The following MROH7 variants were observed in gnomAD, a reference collection of about 807,000 sequenced individuals.
The protein encoded by MROH7 is maestro heat-like repeat-containing protein family member 7.
A neutral mutation model predicts 129.2 loss-of-function variants in MROH7; 113 were observed. That is an observed-to-expected ratio of 0.87 (90% CI 0.75 to 1.02). The LOEUF is 1.02. Ranked by LOEUF, MROH7 falls within the 50% of genes least tolerant of loss-of-function variation. The pLI, the probability that MROH7 is intolerant of heterozygous loss-of-function variation, is 0.00. For missense variants in MROH7, 1,601 were observed against 1,671.3 expected, an observed-to-expected ratio of 0.96 and a Z score of 0.73; for synonymous variants, 655 against 667.9, an observed-to-expected ratio of 0.98 and a Z score of 0.30.
At chr1:54,692,747 C>T (rs1447996882) in intron 16 of MROH7, among the ~76,000 whole-genome samples, 186 bp downstream of exon 16, 1 of 152,204 alleles carries the variant, frequency 6.6e-6, no homozygotes, top group African/African-American at 2.4e-5. Context: ...TTAAAGATAG[C>T]ACTCACTCTT....
At chr1:54,688,708 G>A (rs1228834013) in intron 15 of MROH7, among the ~76,000 whole-genome samples, 2 of 152,222 alleles carry the variant, frequency 1.3e-5, no homozygotes, top group Non-Finnish European at 2.9e-5. Flanking sequence ...CCGCAGTGCG[G>A]CCAGTTCCCA....
intron 3 of MROH7, among the ~76,000 whole-genome samples, chr1:54,662,669 C>G (rs1444016129): frequency 6.6e-6 from 1 of 152,118 alleles, no homozygotes; most frequent in Non-Finnish European, 1.5e-5. Context: ...TAAAATATAA[C>G]TATCACAATC....
intron 4 of MROH7, among the ~76,000 whole-genome samples, chr1:54,666,152 G>A (rs938311013): frequency 1.3e-5 from 2 of 152,180 alleles, no homozygotes; most frequent in South Asian, 2.1e-4. Context: ...CTACCATGGC[G>A]CCTGCAAAAA....
intron 16 of MROH7, among the ~76,000 whole-genome samples, chr1:54,694,289 C>T (rs193243215): frequency 2.0e-5 from 3 of 152,370 alleles, no homozygotes; most frequent in African/African-American, 7.2e-5. Context: ...AGGATTTGAA[C>T]CCAGCTGTCT....
At chr1:54,663,664 G>A (rs533414090) in intron 3 of MROH7, 47 of 375,708 alleles carry the variant, frequency 1.3e-4, no homozygotes, top group Admixed American at 7.9e-4. Context: ...GTGAGCCACC[G>A]TGCCCGGCCC....
At chr1:54,643,646 G>A (rs1455992916) in intron 1 of MROH7, among the ~76,000 whole-genome samples, 1 of 152,214 alleles carries the variant, frequency 6.6e-6, no homozygotes, top group African/African-American at 2.4e-5. Context: ...CAGAGTCTCT[G>A]AGAGTGAGGC....
At chr1:54,642,720 ACCCT>A (rs1196269060) in intron 1 of MROH7, among the ~76,000 whole-genome samples, 1 of 151,858 alleles carries the variant, frequency 6.6e-6, no homozygotes, top group Admixed American at 6.6e-5. Context: ...GGCTCCAGTG[ACCCT>A]CCCACCTCAG....
At chr1:54,658,982 C>T in intron 3 of MROH7, 1 of 302,410 alleles carries the variant, frequency 3.3e-6, no homozygotes, top group Non-Finnish European at 6.5e-6. Context: ...TAATCACTGC[C>T]CCGGAGGTGA....
At chr1:54,678,969 C>A in intron 11 of MROH7, 115 bp downstream of exon 11, 1 of 833,764 alleles carries the variant, frequency 1.2e-6, no homozygotes, top group Admixed American at 2.1e-5. Context: ...GACGCCTTCC[C>A]AGCCACCCAC....
rs759215528 is a variant in MROH7 at position 54,654,130 on chromosome 1, G to A, written c.1204G>A (p.Ala402Thr). The A allele has an allele frequency of 4.3e-6, 7 of 1,612,412 alleles. No individual in the cohort carries two copies. The highest frequency in any genetic ancestry group is 3.3e-5 in the Admixed American group (2 of 59,860). The change falls in exon 3 of 24, where the codon GCC (alanine) becomes ACC (threonine). Residue 402 changes from alanine to threonine, a missense_variant. By Grantham distance (58) the Ala-to-Thr change is moderately conservative. Coordinates refer to ENST00000421030, the MANE Select transcript of MROH7 (RefSeq NM_001039464.4). ...FPISNPAGKD[A>T]VTLQGIPEGA... ...CATCTCCAACCCCGCAGGCAAGGAC[G>A]CCGTGACCTTGCAAGGCATCCCTGA...
intron 18 of MROH7, among the ~76,000 whole-genome samples, chr1:54,700,849 C>T (rs1014230588): frequency 3.3e-5 from 5 of 152,210 alleles, no homozygotes; most frequent in African/African-American, 1.2e-4. Flanking sequence ...AAGGACAGGA[C>T]ATAGACTCAG....
intron 15 of MROH7, among the ~76,000 whole-genome samples, chr1:54,690,261 G>A (rs1010060133): frequency 6.6e-6 from 1 of 151,792 alleles, no homozygotes; most frequent in African/African-American, 2.4e-5. Flanking sequence ...CTTTGGGAGT[G>A]GGGTGAGAAG....
chr1:54,686,632 C>T (rs1557717091), intron 15 of MROH7, among the ~76,000 whole-genome samples, 184 bp downstream of exon 15: 1 of 152,222 alleles, frequency 6.6e-6, no homozygotes, highest in Non-Finnish European at 1.5e-5. Flanking sequence ...TGAGCACCTG[C>T]TCTGTGCATT....
At chr1:54,676,950 G>A (rs1179019254) in intron 10 of MROH7, among the ~76,000 whole-genome samples, 6 of 151,918 alleles carry the variant, frequency 3.9e-5, no homozygotes, top group Admixed American at 6.6e-5. Flanking sequence ...TTCATGATCC[G>A]TCCCCCTCGA....
intron 3 of MROH7, among the ~76,000 whole-genome samples, chr1:54,661,082 C>G (rs1034312968): frequency 1.4e-4 from 21 of 149,464 alleles, no homozygotes; most frequent in Middle Eastern, 3.4e-3. Context: ...TGGGTTGTCT[C>G]TTTTTCTTAT....
At chr1:54,688,557 C>T (rs1398267372) in intron 15 of MROH7, among the ~76,000 whole-genome samples, 2 of 152,080 alleles carry the variant, frequency 1.3e-5, no homozygotes, top group Admixed American at 6.5e-5. Context: ...GGCTTCATCA[C>T]CTAGAATGTT....
intron 4 of MROH7, among the ~76,000 whole-genome samples, chr1:54,668,273 T>A (rs992022107): frequency 1.3e-5 from 2 of 152,356 alleles, no homozygotes; most frequent in East Asian, 1.9e-4. Context: ...GAGGAATCTG[T>A]CCTTTGGATA....
At chr1:54,663,771 C>A (rs1331411592) in intron 3 of MROH7, 1 of 453,316 alleles carries the variant, frequency 2.2e-6, no homozygotes, top group Non-Finnish European at 4.4e-6. Context: ...GTCTCAGGTT[C>A]ATCCTGGACT....
intron 19 of MROH7, 82 bp from the exon 20 acceptor site, chr1:54,702,008 G>A: frequency 8.0e-7 from 1 of 1,257,730 alleles, no homozygotes; most frequent in East Asian, 2.8e-5. Context: ...AGGCTTGAGT[G>A]AGAGGAACAA....
Sources: gnomAD v4.1 joint callset for allele counts (sites outside exome capture counted in the v4.1 genomes callset) on GRCh38, gnomAD v4.1.1 for gene constraint, MANE v1.5 for transcripts, NCBI Gene and HGNC (gene_info 2026-07-23, HGNC 2026-07-21) for gene names.